FAM171A1: variants seen among roughly 807,000 people sequenced by gnomAD.
FAM171A1 encodes protein FAM171A1.
FAM171A1 carries 23 observed loss-of-function variants against 74.9 expected under a neutral mutation model. The observed-to-expected ratio is 0.31, with a 90% CI of 0.22 to 0.44. The LOEUF (loss-of-function observed/expected upper bound fraction) is 0.44, where lower values mean the gene tolerates loss of function less well. Ranked by LOEUF, FAM171A1 falls within the 20% of genes least tolerant of loss-of-function variation. FAM171A1 has a pLI of 1.00. For synonymous variants in FAM171A1, 527 were observed against 505.7 expected (o/e 1.04, Z -0.57); for missense variants, 1,162 against 1,159.2 (o/e 1.00, Z -0.03).
intron 3 of FAM171A1, among the ~76,000 whole-genome samples, chr10:15,257,339 G>T (rs1188241252): frequency 6.6e-6 from 1 of 152,154 alleles, no homozygotes; most frequent in African/African-American, 2.4e-5. Context: ...ACAAGGGGGA[G>T]CCGGGGAATG....
chr10:15,288,830 T>TTC (rs1349920617), intron 1 of FAM171A1, among the ~76,000 whole-genome samples: 33 of 132,444 alleles, frequency 2.5e-4, no homozygotes, highest in Non-Finnish European at 4.7e-4. Flanking sequence ...TTTTTTTTTT[T>TTC]TTTTTTTTTG....
intron 1 of FAM171A1, among the ~76,000 whole-genome samples, chr10:15,298,162 T>C (rs1468894759): frequency 6.6e-6 from 1 of 152,116 alleles, no homozygotes; most frequent in Non-Finnish European, 1.5e-5. Flanking sequence ...AGTTTCACTC[T>C]TGTCACCCAT....
At chr10:15,244,997 G>A (rs1463161253) in intron 5 of FAM171A1, among the ~76,000 whole-genome samples, 1 of 152,152 alleles carries the variant, frequency 6.6e-6, no homozygotes, top group Non-Finnish European at 1.5e-5. Flanking sequence ...GTCCAGATGT[G>A]ACTGGGGAGG....
At chr10:15,254,900 G>T (rs761844529) in intron 3 of FAM171A1, 21 bp from the exon 4 acceptor site, 3 of 1,606,142 alleles carry the variant, frequency 1.9e-6, no homozygotes, top group Non-Finnish European at 2.6e-6. Context: ...TAACCTCCGA[G>T]TTATCTCCCC....
At chr10:15,304,340 T>C (rs113625043) in intron 1 of FAM171A1, among the ~76,000 whole-genome samples, 1,843 of 152,274 alleles carry the variant, frequency 0.012, 35 homozygotes, top group African/African-American at 0.042. Context: ...CATAAACTAC[T>C]GCTCGGTGAG....
intron 1 of FAM171A1, among the ~76,000 whole-genome samples, chr10:15,364,670 C>G (rs945084790): frequency 6.6e-6 from 1 of 152,154 alleles, no homozygotes; most frequent in African/African-American, 2.4e-5. Context: ...ATCAGTTTCA[C>G]TGGGCTAAAG....
chr10:15,253,376 A>AT lies in FAM171A1; in HGVS notation c.577+1344dup, dbSNP rs941045369. ...CGGCACATTTCAAGTAATAGTCAAC[A>AT]TTTTTTTTTCCTAATAATGTTTACT... On this transcript the variant is annotated intron_variant, in intron 4 of 7. Coordinates refer to ENST00000378116, the MANE Select transcript of FAM171A1 (RefSeq NM_001010924.2). Among the ~76,000 whole-genome samples the AT allele has an allele frequency of 7.3e-5, 11 of 151,356 alleles. No homozygotes were observed. The South Asian group carries it at 8.3e-4, about 11-fold the overall frequency.
chr10:15,363,907 T>TG (rs972230766), intron 1 of FAM171A1, among the ~76,000 whole-genome samples: 2 of 152,120 alleles, frequency 1.3e-5, no homozygotes, highest in African/African-American at 4.8e-5. Flanking sequence ...CTCATCAGCA[T>TG]GGGGGCTTCT....
intron 5 of FAM171A1, among the ~76,000 whole-genome samples, chr10:15,239,549 C>A (rs1320078113): frequency 6.6e-6 from 1 of 152,136 alleles, no homozygotes; most frequent in African/African-American, 2.4e-5. Context: ...GTGATCTGCC[C>A]ACCTTGGCCT....
chr10:15,270,664 C>T (rs1359013295), intron 3 of FAM171A1, among the ~76,000 whole-genome samples: 1 of 152,130 alleles, frequency 6.6e-6, no homozygotes, highest in Admixed American at 6.5e-5. Context: ...GCTGGGTGCC[C>T]CTTTGAGACA....
intron 5 of FAM171A1, among the ~76,000 whole-genome samples, chr10:15,222,265 G>C (rs1035351858): frequency 2.6e-5 from 4 of 152,214 alleles, no homozygotes; most frequent in African/African-American, 9.7e-5. Flanking sequence ...ATGCAGGCAT[G>C]CATCATTTAA....
intron 1 of FAM171A1, among the ~76,000 whole-genome samples, chr10:15,359,036 G>T (rs1026244783): frequency 3.9e-5 from 6 of 152,118 alleles, no homozygotes; most frequent in African/African-American, 1.4e-4. Flanking sequence ...CGCTGCATGC[G>T]ATTGATGTGA....
intron 1 of FAM171A1, among the ~76,000 whole-genome samples, chr10:15,316,397 G>A (rs151161392): frequency 1.4e-3 from 216 of 152,314 alleles, no homozygotes; most frequent in African/African-American, 5.0e-3. Context: ...GTTCTGGGGC[G>A]TCCCGCAAGG....
chr10:15,320,743 T>C (rs1835477520), intron 1 of FAM171A1, among the ~76,000 whole-genome samples: 1 of 152,220 alleles, frequency 6.6e-6, no homozygotes, highest in Non-Finnish European at 1.5e-5. Context: ...TTGTTGGCCA[T>C]GTGTATGTCT....
At chr10:15,265,557 A>G (rs1367090166) in intron 3 of FAM171A1, among the ~76,000 whole-genome samples, 2 of 140,708 alleles carry the variant, frequency 1.4e-5, no homozygotes, top group East Asian at 2.3e-4. Flanking sequence ...TGAGGCAACA[A>G]TGAGCTGAGA....
intron 1 of FAM171A1, among the ~76,000 whole-genome samples, chr10:15,293,614 C>T (rs1173214738): frequency 6.6e-6 from 1 of 151,540 alleles, no homozygotes; most frequent in East Asian, 1.9e-4. Flanking sequence ...CATGCAAAAA[C>T]AGAATCAAAG....
chr10:15,212,196 T>A lies in FAM171A1; in HGVS notation c.*719A>T, dbSNP rs1266938324. The A allele has an allele frequency of 6.5e-6, 1 of 152,710 alleles. No homozygotes were observed. Among genetic ancestry groups the A allele is most frequent in the Non-Finnish European group, 1.5e-5 (1 of 68,098 alleles). The allele number at this position is 152,710 out of a possible 1,614,324, so 9.5% of individuals were successfully genotyped here. On this transcript the variant is annotated 3_prime_UTR_variant, in exon 8 of 8. Transcript: ENST00000378116. Reference sequence around the variant, plus strand: ...CACTTGGAGTTAATGGGACCAGGATTGGAGGACTCTTAGCTGATACAGATT... The same window carrying A: ...CACTTGGAGTTAATGGGACCAGGATAGGAGGACTCTTAGCTGATACAGATT...
chr10:15,239,266 C>T, intron 5 of FAM171A1, among the ~76,000 whole-genome samples: 1 of 152,100 alleles, frequency 6.6e-6, no homozygotes, highest in East Asian at 1.9e-4. Flanking sequence ...TCAAATTGGC[C>T]ACTGCACAAT....
chr10:15,253,917 C>A (rs1200884285), intron 4 of FAM171A1, among the ~76,000 whole-genome samples: 2 of 152,150 alleles, frequency 1.3e-5, no homozygotes, highest in Non-Finnish European at 1.5e-5. Context: ...TGGAAGGTAC[C>A]CGTCTTGGGT....
Sources: gnomAD v4.1 joint callset for allele counts (sites outside exome capture counted in the v4.1 genomes callset) on GRCh38, gnomAD v4.1.1 for gene constraint, MANE v1.5 for transcripts, NCBI Gene and HGNC (gene_info 2026-07-23, HGNC 2026-07-21) for gene names.